The following TENM1 variants were observed in gnomAD, a reference collection of about 807,000 sequenced individuals.
TENM1 encodes the protein teneurin transmembrane protein 1, also known as teneurin-1.
TENM1 carries 35 observed loss-of-function variants against 174.8 expected under a neutral mutation model. The ratio of observed to expected loss-of-function variants is 0.20; its 90% CI spans 0.15 to 0.27. TENM1 has a LOEUF of 0.27. TENM1 is among the 10% of genes least tolerant of loss of function. The probability of loss-of-function intolerance (pLI) is 1.00; values close to 1 mark genes in which losing one functional copy is unlikely to be tolerated. For missense variants in TENM1, 1,633 were observed against 2,130.1 expected (o/e 0.77, Z 4.59); for synonymous variants, 781 against 798.7 (o/e 0.98, Z 0.37).
chrX:124,398,181 T>C (rs190117685), intron 27 of TENM1, among the ~76,000 whole-genome samples: 154 of 107,073 alleles, frequency 1.4e-3, no homozygotes, highest in Non-Finnish European at 2.5e-3. Context: ...TGGGCCAAGA[T>C]CGCGCCACTG....
the TENM1 span, among the ~76,000 whole-genome samples, chrX:125,096,661 C>T: frequency 9.0e-6 from 1 of 111,501 alleles, no homozygotes; most frequent in East Asian, 2.8e-4. Flanking sequence ...AGGGCTGTCT[C>T]AGGAGGCAGT....
At chrX:124,723,383 C>T (rs1041602722) in intron 4 of TENM1, among the ~76,000 whole-genome samples, 6 of 111,215 alleles carry the variant, frequency 5.4e-5, no homozygotes, top group South Asian at 3.8e-4. Flanking sequence ...TGTTCTCTTC[C>T]GTGATTACTT....
intron 22 of TENM1, among the ~76,000 whole-genome samples, chrX:124,462,441 G>GTT (rs2061188171): frequency 1.2e-5 from 1 of 83,021 alleles, no homozygotes; most frequent in African/African-American, 5.2e-5. Context: ...TGGGGGGGGT[G>GTT]GGGGTGGGGG....
the TENM1 span, among the ~76,000 whole-genome samples, chrX:125,009,567 G>A: frequency 9.0e-6 from 1 of 111,371 alleles, no homozygotes; most frequent in East Asian, 2.8e-4. Flanking sequence ...AAACCAGACA[G>A]AGATACAACA....
In TENM1 at chrX:124,935,725, A is replaced by T. The variant is rs73634543; in HGVS notation, c.217+27812T>A. ...GCTACATCATTGGCTGGTAAATGCA[A>T]CTGCCTATTTATATTCTTAGATGTC... On this transcript the variant is annotated intron_variant, in intron 1 of 31. Transcript: ENST00000422452. Among the ~76,000 whole-genome samples the T allele has an allele frequency of 7.0e-3, 793 of 112,806 alleles. 5 individuals carry two copies. Among genetic ancestry groups the T allele is most frequent in the African/African-American group, 0.025 (767 of 31,081 alleles).
intron 3 of TENM1, among the ~76,000 whole-genome samples, chrX:124,850,730 A>G (rs1036663604): frequency 1.8e-5 from 2 of 111,113 alleles, no homozygotes; most frequent in South Asian, 7.6e-4. Context: ...CAAAGGGCAA[A>G]CCACTAATCT....
At chrX:124,839,489 G>A (rs2056455637) in intron 3 of TENM1, among the ~76,000 whole-genome samples, 2 of 111,441 alleles carry the variant, frequency 1.8e-5, no homozygotes, top group Non-Finnish European at 3.8e-5. Context: ...GTTCTTGTAT[G>A]TTTAAAATGT....
chrX:124,665,133 T>C (rs1386732410), intron 6 of TENM1, among the ~76,000 whole-genome samples: 1 of 111,225 alleles, frequency 9.0e-6, no homozygotes, highest in African/African-American at 3.3e-5. Flanking sequence ...AGGTTGGGAG[T>C]TCGAGACCAG....
intron 3 of TENM1, among the ~76,000 whole-genome samples, chrX:124,794,922 C>G (rs749916239): frequency 1.0e-3 from 113 of 111,302 alleles, no homozygotes; most frequent in African/African-American, 3.4e-3. Flanking sequence ...TCTTCCTGCC[C>G]TCACCATCCA....
intron 22 of TENM1, among the ~76,000 whole-genome samples, chrX:124,470,642 AT>A (rs2061289381): frequency 9.0e-6 from 1 of 111,455 alleles, no homozygotes; most frequent in Non-Finnish European, 1.9e-5. Context: ...TTTAAAAAAA[AT>A]AAATGTAATT....
At chrX:124,446,388 T>C (rs1296810425) in intron 23 of TENM1, among the ~76,000 whole-genome samples, 3 of 112,586 alleles carry the variant, frequency 2.7e-5, no homozygotes, top group African/African-American at 6.5e-5. Flanking sequence ...CAAAATAGAA[T>C]AGTGTAAATT....
chrX:124,913,511 A>G (rs1371342170), intron 1 of TENM1, among the ~76,000 whole-genome samples: 1 of 112,011 alleles, frequency 8.9e-6, no homozygotes, highest in Non-Finnish European at 1.9e-5. Flanking sequence ...GGCCTTCTTG[A>G]TAAAAATGAT....
the TENM1 span, among the ~76,000 whole-genome samples, chrX:125,057,455 G>A: frequency 9.0e-6 from 1 of 111,003 alleles, no homozygotes; most frequent in Non-Finnish European, 1.9e-5. Flanking sequence ...ATGAGTGAGG[G>A]AAGGAAAGAG....
At chrX:124,817,294 G>A (rs2055922280) in intron 3 of TENM1, among the ~76,000 whole-genome samples, 2 of 111,728 alleles carry the variant, frequency 1.8e-5, no homozygotes, top group Non-Finnish European at 3.8e-5. Flanking sequence ...ATTATTGATG[G>A]ACATTTGGGT....
At chrX:124,425,683 CA>C (rs2060704880) in intron 23 of TENM1, among the ~76,000 whole-genome samples, 1 of 111,997 alleles carries the variant, frequency 8.9e-6, no homozygotes. Context: ...GTTATAGCAA[CA>C]AAAAACAGAC....
chrX:125,130,068 A>T, the TENM1 span, among the ~76,000 whole-genome samples: 1 of 111,579 alleles, frequency 9.0e-6, no homozygotes, highest in Admixed American at 9.6e-5. Context: ...TTCCCAGATA[A>T]TTTTTATATA....
chrX:124,560,233 G>GTGTGTA (rs2048787197), intron 14 of TENM1, among the ~76,000 whole-genome samples: 1 of 103,715 alleles, frequency 9.6e-6, no homozygotes, highest in African/African-American at 3.6e-5. Context: ...GTGTGTGTGT[G>GTGTGTA]TATGTGTGGT....
chrX:125,114,710 T>C, the TENM1 span, among the ~76,000 whole-genome samples: 1 of 111,208 alleles, frequency 9.0e-6, no homozygotes, highest in Non-Finnish European at 1.9e-5. Flanking sequence ...AATCCCTGAA[T>C]AGACCAATAA....
intron 18 of TENM1, among the ~76,000 whole-genome samples, chrX:124,515,033 A>G (rs928348413): frequency 9.0e-6 from 1 of 111,508 alleles, no homozygotes; most frequent in Admixed American, 9.5e-5. Context: ...TGGGATGTAA[A>G]GTTGGTTCAA....
Sources: allele counts gnomAD v4.1 joint callset (sites outside exome capture counted in the v4.1 genomes callset), GRCh38; gene constraint gnomAD v4.1.1; transcripts MANE v1.5; gene names NCBI Gene and HGNC (gene_info 2026-07-23, HGNC 2026-07-21).